Variants in CRISPLD2 observed in about 807,000 individuals in gnomAD.
The protein encoded by CRISPLD2 is cysteine-rich secretory protein LCCL domain-containing 2.
CRISPLD2 carries 47 observed loss-of-function variants against 71.1 expected under a neutral mutation model. The observed-to-expected ratio is 0.66, with a 90% CI of 0.52 to 0.84. The LOEUF (loss-of-function observed/expected upper bound fraction) is 0.84. CRISPLD2 is among the 40% of genes least tolerant of loss of function. The probability of loss-of-function intolerance (pLI) is 0.00; values close to 1 mark genes in which losing one functional copy is unlikely to be tolerated. For synonymous variants in CRISPLD2, 317 were observed against 250.1 expected, an observed-to-expected ratio of 1.27 and a Z score of -2.52; for missense variants, 830 against 651.1, an observed-to-expected ratio of 1.27 and a Z score of -2.99.
intron 3 of CRISPLD2, among the ~76,000 whole-genome samples, chr16:84,849,046 G>A (rs1481883749): frequency 6.6e-6 from 1 of 151,884 alleles, no homozygotes; most frequent in Non-Finnish European, 1.5e-5. Context: ...TCCTGCACGT[G>A]CAGGTGGTGT....
intron 11 of CRISPLD2, among the ~76,000 whole-genome samples, 172 bp downstream of exon 11, chr16:84,874,135 A>T (rs2071499073): frequency 6.6e-6 from 1 of 152,214 alleles, no homozygotes; most frequent in Non-Finnish European, 1.5e-5. Context: ...GCTTCTAAGA[A>T]TATCTGGACT....
chr16:84,872,557 C>A, intron 9 of CRISPLD2, 49 bp downstream of exon 9: 1 of 1,491,912 alleles, frequency 6.7e-7, no homozygotes, highest in Non-Finnish European at 9.3e-7. Flanking sequence ...GATCCTGTTG[C>A]ATATGTTTAA....
Position 84,854,815 on chromosome 16 carries a change from A to G in CRISPLD2, c.695A>G (p.Asn232Ser), listed in dbSNP as rs1265715162. The change falls in exon 6 of 15, where the codon AAC becomes AGC. Residue 232 changes from asparagine (N) to serine (S), a missense_variant. Asn to Ser is a conservative substitution (Grantham distance 46, BLOSUM62 1). Coordinates refer to ENST00000262424, the MANE Select transcript of CRISPLD2 (RefSeq NM_031476.4). ...AGCTATGGAGGCAGCTGCAGGAACAACTTGTGTTACCGAGGTAGGAAATTT... is the reference window on the plus strand; with the variant it reads ...AGCTATGGAGGCAGCTGCAGGAACAGCTTGTGTTACCGAGGTAGGAAATTT... Reference protein sequence around the residue: ...PPSYGGSCRNNLCYREETYTP... With the variant: ...PPSYGGSCRNSLCYREETYTP... 1.9e-6 allele frequency: 3 copies of G among 1,613,924 alleles called. No homozygotes were observed. Among genetic ancestry groups the G allele is most frequent in the African/African-American group, 1.3e-5 (1 of 75,014 alleles).
intron 11 of CRISPLD2, among the ~76,000 whole-genome samples, chr16:84,875,131 C>T (rs2071506490): frequency 6.6e-6 from 1 of 152,062 alleles, no homozygotes; most frequent in Non-Finnish European, 1.5e-5. Flanking sequence ...ATCTCAGCTA[C>T]TTCGGAGTCT....
chr16:84,885,809 C>CTTATTTTTTTTTTTT (rs1187626543), intron 13 of CRISPLD2, among the ~76,000 whole-genome samples: 1 of 131,778 alleles, frequency 7.6e-6, no homozygotes, highest in African/African-American at 2.9e-5. Context: ...TGTTGGATCC[C>CTTATTTTTTTTTTTT]TTCTTTTTTT....
intron 2 of CRISPLD2, among the ~76,000 whole-genome samples, chr16:84,844,540 T>G (rs777109624): frequency 6.6e-6 from 1 of 152,072 alleles, no homozygotes; most frequent in Non-Finnish European, 1.5e-5. Flanking sequence ...TTTTTGTATC[T>G]TTAGTAGAGA....
chr16:84,865,694 C>T (rs1255042364), intron 6 of CRISPLD2, among the ~76,000 whole-genome samples: 1 of 152,090 alleles, frequency 6.6e-6, no homozygotes, highest in East Asian at 1.9e-4. Flanking sequence ...TTGATCAGGC[C>T]GCTCAGGCAA....
chr16:84,870,686 A>T (rs1486077889), intron 8 of CRISPLD2, among the ~76,000 whole-genome samples: 1 of 152,080 alleles, frequency 6.6e-6, no homozygotes, highest in African/African-American at 2.4e-5. Context: ...ACTGCCTGAT[A>T]CTCTGACACA....
In CRISPLD2 at chr16:84,838,570, G is replaced by C. The variant is rs746638399; in HGVS notation, c.75G>C (p.Leu25=). 2.8e-5 allele frequency: 45 copies of C among 1,614,180 alleles called. No individual in the cohort carries two copies. Among genetic ancestry groups the C allele is most frequent in the Non-Finnish European group, 3.3e-5 (39 of 1,180,018 alleles). ...FLVCGSQGYL[L]PNVTLLEELL... is the part of the protein sequence containing the mutation. Reference sequence around the variant, plus strand: ...TCTGCGGATCCCAAGGCTACCTCCTGCCCAACGTCACTCTCTTAGAGGAGC... The same window carrying C: ...TCTGCGGATCCCAAGGCTACCTCCTCCCCAACGTCACTCTCTTAGAGGAGC... Residue 25 remains leucine (L), a synonymous_variant, in exon 2 of 15, where the codon CTG becomes CTC. Transcript: ENST00000262424.
chr16:84,899,203 A>G (rs1346927173), intron 14 of CRISPLD2, among the ~76,000 whole-genome samples: 2 of 152,134 alleles, frequency 1.3e-5, no homozygotes, highest in East Asian at 1.9e-4. Flanking sequence ...GGGATTTTCA[A>G]TACCCTGTAT....
At chr16:84,828,000 T>C (rs1359514519) in intron 1 of CRISPLD2, among the ~76,000 whole-genome samples, 4 of 152,208 alleles carry the variant, frequency 2.6e-5, no homozygotes, top group Admixed American at 6.5e-5. Flanking sequence ...GGTATTTACC[T>C]GTCCGCTGCC....
rs529519842 is a variant in CRISPLD2 at position 84,841,186 on chromosome 16, G to A, written c.240+2451G>A. Among the ~76,000 whole-genome samples the A allele has an allele frequency of 3.3e-5, 5 of 152,326 alleles. No individual in the cohort carries two copies. In the East Asian group the frequency reaches 7.7e-4, roughly 23 times the overall value. On this transcript the variant is annotated intron_variant, in intron 2 of 14. Transcript: ENST00000262424. The stretch of plus-strand genomic sequence containing the variant: ...AGGGGTGGAAGAATCCTGACTGAGA[G>A]GGAGGAGTAAGGGTGGCCCACTCTG...
At chr16:84,904,404 CA>C (rs915062600) in intron 14 of CRISPLD2, among the ~76,000 whole-genome samples, 2 of 151,868 alleles carry the variant, frequency 1.3e-5, no homozygotes, top group African/African-American at 4.8e-5. Context: ...GCCAACATGG[CA>C]AAACCCCATC....
chr16:84,862,203 C>T (rs1178098490), intron 6 of CRISPLD2, among the ~76,000 whole-genome samples: 1 of 152,002 alleles, frequency 6.6e-6, no homozygotes. Flanking sequence ...GATTTTCTAC[C>T]TAGTTCACCT....
chr16:84,877,259 T>C (rs933594199), intron 11 of CRISPLD2, among the ~76,000 whole-genome samples, 179 bp from the exon 12 acceptor site: 2 of 152,174 alleles, frequency 1.3e-5, no homozygotes, highest in Admixed American at 6.5e-5. Flanking sequence ...GGGTTTGGTC[T>C]CATCTCTTAA....
chr16:84,885,322 C>G (rs1181620130), intron 13 of CRISPLD2, among the ~76,000 whole-genome samples: 1 of 152,260 alleles, frequency 6.6e-6, no homozygotes, highest in Non-Finnish European at 1.5e-5. Flanking sequence ...AGTCTCCTCG[C>G]TTCTCTTTGA....
chr16:84,857,407 C>A (rs991729776), intron 6 of CRISPLD2, among the ~76,000 whole-genome samples: 1 of 152,204 alleles, frequency 6.6e-6, no homozygotes, highest in Non-Finnish European at 1.5e-5. Context: ...CAGAGAGATC[C>A]ATCCACATCC....
At chr16:84,876,430 A>T (rs1321838132) in intron 11 of CRISPLD2, among the ~76,000 whole-genome samples, 1 of 151,396 alleles carries the variant, frequency 6.6e-6, no homozygotes, top group Non-Finnish European at 1.5e-5. Flanking sequence ...TGAACCCAGG[A>T]GGTGAAGGTT....
chr16:84,853,514 G>A (rs781082226), intron 5 of CRISPLD2, among the ~76,000 whole-genome samples: 1 of 152,168 alleles, frequency 6.6e-6, no homozygotes, highest in Non-Finnish European at 1.5e-5. Flanking sequence ...CACACTGCAC[G>A]GCCCACTGTC....
Sources: gnomAD v4.1 joint callset for allele counts (sites outside exome capture counted in the v4.1 genomes callset) on GRCh38, gnomAD v4.1.1 for gene constraint, MANE v1.5 for transcripts, NCBI Gene and HGNC (gene_info 2026-07-23, HGNC 2026-07-21) for gene names.